OR2L13: variants seen among roughly 807,000 people sequenced by gnomAD.
The protein encoded by OR2L13 is olfactory receptor 2L13.
A neutral mutation model predicts 15.3 loss-of-function variants in OR2L13; 14 were observed. That is an observed-to-expected ratio of 0.91 (90% confidence interval 0.60 to 1.43). OR2L13 has a LOEUF of 1.43. Among genes scored for constraint, OR2L13 ranks in the 40% most tolerant of loss-of-function variants. The pLI is 0.00. For synonymous variants in OR2L13, 152 were observed against 142.9 expected, an observed-to-expected ratio of 1.06 and a Z score of -0.45; for missense variants, 367 against 387.9, an observed-to-expected ratio of 0.95 and a Z score of 0.45.
At chr1:248,077,728 G>T in the OR2L13 span, among the ~76,000 whole-genome samples, 2 of 152,168 alleles carry the variant, frequency 1.3e-5, no homozygotes, top group Non-Finnish European at 2.9e-5. Flanking sequence ...TTCTGTTAAA[G>T]GGAGATTAGA....
At chr1:247,943,180 G>T in the OR2L13 span, among the ~76,000 whole-genome samples, 11 of 152,022 alleles carry the variant, frequency 7.2e-5, no homozygotes, top group African/African-American at 2.4e-4. Flanking sequence ...AGAAATATTT[G>T]TTTGATGCAA....
chr1:248,058,627 C>T, the OR2L13 span, among the ~76,000 whole-genome samples: 10 of 151,406 alleles, frequency 6.6e-5, no homozygotes, highest in South Asian at 2.1e-4. Context: ...GAAATTTTTC[C>T]GAGGAAATAG....
chr1:248,003,386 C>T, the OR2L13 span: 2 of 1,609,370 alleles, frequency 1.2e-6, no homozygotes, highest in Admixed American at 1.7e-5. Context: ...TGATTTTCTG[C>T]ATGGAAACAA....
chr1:248,048,390 T>G, the OR2L13 span, among the ~76,000 whole-genome samples: 47 of 152,338 alleles, frequency 3.1e-4, no homozygotes, highest in East Asian at 8.3e-3. Flanking sequence ...CATTATGTAC[T>G]GTGTCTCTTC....
the OR2L13 span, among the ~76,000 whole-genome samples, chr1:247,982,099 G>A: frequency 6.6e-6 from 1 of 152,208 alleles, no homozygotes; most frequent in South Asian, 2.1e-4. Flanking sequence ...ACAAGCGTGA[G>A]CCACCGCGCC....
chr1:248,072,643 A>G, the OR2L13 span, among the ~76,000 whole-genome samples: 70 of 152,126 alleles, frequency 4.6e-4, 1 homozygote, highest in African/African-American at 1.5e-3. Context: ...TAATTAAACT[A>G]AAGAGCTTCT....
At chr1:248,100,420 T>C in exon 3 of OR2L13, 1 of 516,040 alleles carries the variant, frequency 1.9e-6, no homozygotes, top group Non-Finnish European at 3.5e-6. Context: ...AATTTTCTAA[T>C]AGGTACATTT....
At chr1:248,029,852 C>T in the OR2L13 span, among the ~76,000 whole-genome samples, 2 of 152,174 alleles carry the variant, frequency 1.3e-5, no homozygotes, top group African/African-American at 4.8e-5. Flanking sequence ...GTTTCTTCCT[C>T]CATTGAATTT....
At chr1:248,019,372 C>T in the OR2L13 span, among the ~76,000 whole-genome samples, 1 of 152,058 alleles carries the variant, frequency 6.6e-6, no homozygotes, top group Non-Finnish European at 1.5e-5. Context: ...GTATATTTTA[C>T]TTACAATATT....
the OR2L13 span, among the ~76,000 whole-genome samples, chr1:248,077,616 T>C: frequency 6.6e-6 from 1 of 151,888 alleles, no homozygotes; most frequent in Non-Finnish European, 1.5e-5. Context: ...TAGAAGAAAA[T>C]CTTTATGACT....
the OR2L13 span, among the ~76,000 whole-genome samples, chr1:248,008,112 T>C: frequency 6.6e-6 from 1 of 152,188 alleles, no homozygotes. Flanking sequence ...CTTATACTTT[T>C]CTGGTACCCT....
At chr1:247,946,436 T>C in the OR2L13 span, among the ~76,000 whole-genome samples, 1 of 152,188 alleles carries the variant, frequency 6.6e-6, no homozygotes, top group Admixed American at 6.5e-5. Context: ...CCTTCATTAT[T>C]ATGATGAAGC....
the OR2L13 span, among the ~76,000 whole-genome samples, chr1:248,033,563 A>G: frequency 6.6e-6 from 1 of 150,806 alleles, no homozygotes; most frequent in African/African-American, 2.4e-5. Context: ...CAAGCCCCCA[A>G]GTAGATGGGA....
chr1:247,990,458 G>T, the OR2L13 span: 1 of 1,581,462 alleles, frequency 6.3e-7, no homozygotes, highest in Non-Finnish European at 8.7e-7. Context: ...TACTTAGTCA[G>T]CTCTCCCTCA....
chr1:247,954,205 G>A, the OR2L13 span, among the ~76,000 whole-genome samples: 1 of 152,214 alleles, frequency 6.6e-6, no homozygotes, highest in East Asian at 1.9e-4. Flanking sequence ...GCTTCCTTTT[G>A]TAAGATTTAT....
chr1:248,083,762 C>T, the OR2L13 span: 1 of 1,613,946 alleles, frequency 6.2e-7, no homozygotes, highest in South Asian at 1.1e-5. Flanking sequence ...AAGGGGTGAA[C>T]ATACTATAGA....
the OR2L13 span, among the ~76,000 whole-genome samples, chr1:247,943,428 T>A: frequency 6.6e-6 from 1 of 152,150 alleles, no homozygotes; most frequent in Admixed American, 6.5e-5. Flanking sequence ...TAAAAAAAAA[T>A]CCAAAAATAT....
At chr1:247,967,348 G>C in the OR2L13 span, among the ~76,000 whole-genome samples, 3,825 of 151,680 alleles carry the variant, frequency 0.025, 83 homozygotes, top group East Asian at 0.09. Flanking sequence ...CCTGCCTCAG[G>C]CTCCCAAATA....
chr1:247,981,878 T>G, the OR2L13 span, among the ~76,000 whole-genome samples: 4,217 of 151,398 alleles, frequency 0.028, 174 homozygotes, highest in African/African-American at 0.097. Context: ...TGCAGTGGTG[T>G]GATCTCAGCT....
Sources: allele counts gnomAD v4.1 joint callset (sites outside exome capture counted in the v4.1 genomes callset), GRCh38; gene constraint gnomAD v4.1.1; transcripts MANE v1.5; gene names NCBI Gene and HGNC (gene_info 2026-07-23, HGNC 2026-07-21).